The following PRR16 variants were observed in gnomAD, a reference collection of about 807,000 sequenced individuals.
The protein encoded by PRR16 is proline rich 16, also known as protein Largen.
In PRR16, 6 loss-of-function variants were observed where a neutral mutation model predicts 18.2. The ratio of observed to expected loss-of-function variants is 0.33; its 90% CI spans 0.18 to 0.65. The LOEUF (loss-of-function observed/expected upper bound fraction) is 0.65, where lower values mean the gene tolerates loss of function less well. Among genes scored for constraint, PRR16 ranks in the 30% least tolerant of loss-of-function variants. The probability of loss-of-function intolerance (pLI) is 0.74; values close to 1 mark genes in which losing one functional copy is unlikely to be tolerated. For synonymous variants in PRR16, 151 were observed against 147.8 expected (o/e 1.02, Z -0.16); for missense variants, 412 against 376.6 (o/e 1.09, Z -0.78).
intron 1 of PRR16, among the ~76,000 whole-genome samples, chr5:120,594,547 A>C (rs1753740134): frequency 6.6e-6 from 1 of 152,158 alleles, no homozygotes. Context: ...CAATTTACAG[A>C]TTCAATGCTA....
At chr5:120,678,384 G>T (rs1395578009) in intron 1 of PRR16, among the ~76,000 whole-genome samples, 1 of 152,128 alleles carries the variant, frequency 6.6e-6, no homozygotes, top group Non-Finnish European at 1.5e-5. Context: ...GGGGTAGGAT[G>T]GAAATAAAGG....
intron 1 of PRR16, among the ~76,000 whole-genome samples, chr5:120,655,725 C>CT (rs5870911): frequency 0.61 from 62,504 of 102,432 alleles, 13,986 homozygotes; most frequent in Middle Eastern, 0.66. Flanking sequence ...TAGCAATTGA[C>CT]TTTTTTTTTT....
chr5:120,532,022 CTCTCT>C (rs1339698947), intron 1 of PRR16, among the ~76,000 whole-genome samples: 4 of 152,178 alleles, frequency 2.6e-5, no homozygotes, highest in African/African-American at 9.6e-5. Flanking sequence ...TATGTTTGGG[CTCTCT>C]TCTCATATTA....
At chr5:120,698,519 A>C in the PRR16 span, among the ~76,000 whole-genome samples, 8 of 82,548 alleles carry the variant, frequency 9.7e-5, no homozygotes, top group Admixed American at 2.2e-4. Context: ...CAGTGTAAAC[A>C]AGAGCAGGGC....
intron 1 of PRR16, among the ~76,000 whole-genome samples, chr5:120,669,277 T>C (rs1266572879): frequency 6.6e-6 from 1 of 152,110 alleles, no homozygotes; most frequent in Non-Finnish European, 1.5e-5. Context: ...CTGAAAACCG[T>C]AGGAAAAGGG....
chr5:120,698,267 T>C, the PRR16 span, among the ~76,000 whole-genome samples: 1 of 151,952 alleles, frequency 6.6e-6, no homozygotes, highest in Non-Finnish European at 1.5e-5. Context: ...AACTTTGTCA[T>C]GTAGAATGAT....
At chr5:120,785,655 C>T in the PRR16 span, among the ~76,000 whole-genome samples, 1 of 145,092 alleles carries the variant, frequency 6.9e-6, no homozygotes, top group South Asian at 2.2e-4. Context: ...TCACTGCAAC[C>T]TCCTCCTTCC....
intron 1 of PRR16, among the ~76,000 whole-genome samples, chr5:120,502,352 C>T (rs1000277684): frequency 2.9e-4 from 41 of 140,324 alleles, no homozygotes; most frequent in Admixed American, 7.6e-4. Context: ...ATATTATTTC[C>T]ATATATATTT....
chr5:120,586,684 T>C (rs1753454396), intron 1 of PRR16, among the ~76,000 whole-genome samples: 2 of 152,154 alleles, frequency 1.3e-5, no homozygotes, highest in Admixed American at 1.3e-4. Flanking sequence ...TTGTGTATGT[T>C]CTGACTACTA....
the PRR16 span, among the ~76,000 whole-genome samples, chr5:120,772,332 A>G: frequency 1.2e-4 from 18 of 152,030 alleles, no homozygotes; most frequent in East Asian, 1.7e-3. Context: ...GACTTAGCTT[A>G]CTTTACCATG....
chr5:120,777,838 C>G, the PRR16 span, among the ~76,000 whole-genome samples: 12 of 152,134 alleles, frequency 7.9e-5, no homozygotes, highest in South Asian at 2.5e-3. Context: ...ATCATACGTG[C>G]TATATGTTTG....
chr5:120,736,731 G>A, the PRR16 span, among the ~76,000 whole-genome samples: 2 of 151,814 alleles, frequency 1.3e-5, no homozygotes, highest in African/African-American at 4.8e-5. Context: ...AACATTGGAT[G>A]TCTTTCCGTT....
the PRR16 span, among the ~76,000 whole-genome samples, chr5:120,709,664 AACC>A: frequency 6.6e-6 from 1 of 152,130 alleles, no homozygotes; most frequent in Non-Finnish European, 1.5e-5. Flanking sequence ...AGCCTCTGGT[AACC>A]ACCATTTTAC....
At chr5:120,758,827 A>C in the PRR16 span, among the ~76,000 whole-genome samples, 1 of 152,100 alleles carries the variant, frequency 6.6e-6, no homozygotes, top group Non-Finnish European at 1.5e-5. Flanking sequence ...AAACTAATAC[A>C]TTAGTCTAAA....
At chr5:120,601,144 C>T (rs1177821852) in intron 1 of PRR16, among the ~76,000 whole-genome samples, 1 of 151,964 alleles carries the variant, frequency 6.6e-6, no homozygotes, top group Admixed American at 6.6e-5. Flanking sequence ...TTTGAGAAAT[C>T]TCCAAACTGC....
intron 1 of PRR16, among the ~76,000 whole-genome samples, chr5:120,652,873 T>TA (rs1173030915): frequency 1.3e-5 from 2 of 151,994 alleles, no homozygotes; most frequent in Non-Finnish European, 2.9e-5. Context: ...TGTAAGATGC[T>TA]AAAAATAGGG....
Position 120,497,384 on chromosome 5 carries a change from A to ATT in PRR16, c.159+32761_159+32762dup, listed in dbSNP as rs765496177. Among the ~76,000 whole-genome samples the ATT allele has an allele frequency of 8.3e-3, 695 of 84,102 alleles. 30 individuals carry two copies. Among genetic ancestry groups the ATT allele is most frequent in the African/African-American group, 0.029 (528 of 18,322 alleles). The allele number at this position is 84,102 out of a possible 152,430, so 55.2% of individuals were successfully genotyped here. A position where few individuals can be genotyped will look rare whatever the true frequency, so the allele number is the denominator to read the frequency against. ...TTGCTTCCCCTGTTTTGATGAACTG[A>ATT]TTTTTTTTTTTTTTTTTTTTTTTGG... is the stretch of plus-strand genomic sequence containing the variant. On this transcript the variant is annotated intron_variant, in intron 1 of 1. Coordinates refer to ENST00000407149, the MANE Select transcript of PRR16 (RefSeq NM_001300783.2).
At chr5:120,546,508 G>C (rs892118535) in intron 1 of PRR16, among the ~76,000 whole-genome samples, 4 of 152,026 alleles carry the variant, frequency 2.6e-5, no homozygotes, top group African/African-American at 9.7e-5. Context: ...GGTTGTTTCT[G>C]AATGGCTGAT....
At chr5:120,745,358 T>A in the PRR16 span, among the ~76,000 whole-genome samples, 15 of 152,324 alleles carry the variant, frequency 9.8e-5, no homozygotes, top group Middle Eastern at 3.4e-3. Context: ...GATCAACCAT[T>A]TTCCTTTTTC....
Sources: allele counts gnomAD v4.1 joint callset (sites outside exome capture counted in the v4.1 genomes callset), GRCh38; gene constraint gnomAD v4.1.1; transcripts MANE v1.5; gene names NCBI Gene and HGNC (gene_info 2026-07-23, HGNC 2026-07-21).